Variants in MOB3B observed in about 807,000 individuals in gnomAD.
MOB3B encodes MOB kinase activator 3B, also known as MOB kinase activator-like 2B.
Under a neutral mutation model 18.7 loss-of-function variants are expected in MOB3B, and 7 were observed. The observed-to-expected ratio is 0.37, with a 90% CI of 0.21 to 0.70. The LOEUF (loss-of-function observed/expected upper bound fraction) is 0.70. Ranked by LOEUF, MOB3B falls within the 30% of genes least tolerant of loss-of-function variation. The pLI, the probability that MOB3B is intolerant of heterozygous loss-of-function variation, is 0.52. For missense variants in MOB3B, 253 were observed against 281.3 expected, an observed-to-expected ratio of 0.90 and a Z score of 0.72; for synonymous variants, 111 against 99.9, an observed-to-expected ratio of 1.11 and a Z score of -0.66.
chr9:27,368,543 A>G (rs1359549197), intron 2 of MOB3B, among the ~76,000 whole-genome samples: 1 of 152,220 alleles, frequency 6.6e-6, no homozygotes, highest in Non-Finnish European at 1.5e-5. Context: ...AATCCTGTGT[A>G]GCAGGACTTT....
chr9:27,510,878 G>T (rs1340628828), intron 1 of MOB3B, among the ~76,000 whole-genome samples: 1 of 152,168 alleles, frequency 6.6e-6, no homozygotes, highest in Non-Finnish European at 1.5e-5. Flanking sequence ...CAGAGACCTT[G>T]GCAGGTCCCT....
Position 27,326,362 on chromosome 9 carries a change from T to G in MOB3B, c.*4225A>C. ...CTGGTAATAGCCTTCAGATATTTAA[T>G]GGATATGCAAATAAAGCTCTGATTA... On this transcript the variant is annotated 3_prime_UTR_variant, in exon 4 of 4. Coordinates refer to ENST00000262244, the MANE Select transcript of MOB3B (RefSeq NM_024761.5). The G allele has an allele frequency of 2.5e-6, 1 of 397,788 alleles. No individual in the cohort carries two copies. Among genetic ancestry groups the G allele is most frequent in the Non-Finnish European group, 4.4e-6 (1 of 225,770 alleles). The allele number at this position is 397,788 out of a possible 1,614,324, so 24.6% of individuals were successfully genotyped here. A position where few individuals can be genotyped will look rare whatever the true frequency, so the allele number is the denominator to read the frequency against.
intron 3 of MOB3B, among the ~76,000 whole-genome samples, chr9:27,336,630 C>T (rs1001225983): frequency 3.3e-5 from 5 of 152,124 alleles, no homozygotes; most frequent in Admixed American, 2.0e-4. Flanking sequence ...CAGTACGCCT[C>T]TCTCAGGGCC....
rs1489512365 is a variant in MOB3B, at chr9:27,455,303, G to T, written c.248C>A (p.Thr83Asn). The change falls in exon 2 of 4, where the codon ACC becomes AAC. Residue 83 changes from threonine to asparagine, a missense_variant. Coordinates refer to ENST00000262244, the MANE Select transcript of MOB3B (RefSeq NM_024761.5). ...TGACATCACAGGACAGGTCCGCTCGGTGCAGAACTCACAGATGGTGCCATA... is the reference window on the plus strand; with the variant it reads ...TGACATCACAGGACAGGTCCGCTCGTTGCAGAACTCACAGATGGTGCCATA... ...LIYGTICEFC[T>N]ERTCPVMSGG... 1.2e-6 allele frequency: 2 copies of T among 1,614,094 alleles called. No individual in the cohort carries two copies. Among genetic ancestry groups the T allele is most frequent in the Non-Finnish European group, 1.7e-6 (2 of 1,180,008 alleles).
intron 2 of MOB3B, among the ~76,000 whole-genome samples, chr9:27,403,893 G>A (rs112562237): frequency 4.1e-4 from 63 of 152,010 alleles, no homozygotes; most frequent in African/African-American, 1.3e-3. Flanking sequence ...GAGTAATAGG[G>A]GTATCCATCA....
At chr9:27,515,514 A>G (rs1820218580) in intron 1 of MOB3B, among the ~76,000 whole-genome samples, 1 of 152,224 alleles carries the variant, frequency 6.6e-6, no homozygotes, top group Non-Finnish European at 1.5e-5. Flanking sequence ...AGTAACTGTG[A>G]GAATTAAAGA....
intron 2 of MOB3B, among the ~76,000 whole-genome samples, chr9:27,382,063 CTG>C (rs575566196): frequency 2.1e-3 from 324 of 152,272 alleles, no homozygotes; most frequent in Non-Finnish European, 3.6e-3. Context: ...TCAGTCTGCT[CTG>C]TGTCTTTGAG....
intron 1 of MOB3B, among the ~76,000 whole-genome samples, chr9:27,487,504 C>A (rs1273678941): frequency 6.6e-6 from 1 of 152,092 alleles, no homozygotes; most frequent in Non-Finnish European, 1.5e-5. Context: ...TCCACCTAGG[C>A]CCACATCCCC....
At chr9:27,480,854 GAATT>G (rs1450410607) in intron 1 of MOB3B, among the ~76,000 whole-genome samples, 1 of 152,104 alleles carries the variant, frequency 6.6e-6, no homozygotes, top group Non-Finnish European at 1.5e-5. Context: ...ATATAAGAAA[GAATT>G]AAGAGAACAG....
At chr9:27,423,148 C>G (rs971323460) in intron 2 of MOB3B, among the ~76,000 whole-genome samples, 10 of 152,154 alleles carry the variant, frequency 6.6e-5, no homozygotes, top group African/African-American at 2.2e-4. Context: ...AGGCACTGGC[C>G]TTGCCTGTGA....
intron 1 of MOB3B, among the ~76,000 whole-genome samples, chr9:27,471,389 G>C (rs7040436): frequency 6.6e-6 from 1 of 152,174 alleles, no homozygotes; most frequent in African/African-American, 2.4e-5. Context: ...ACATGGCCCT[G>C]CCCCTACTGG....
intron 2 of MOB3B, among the ~76,000 whole-genome samples, chr9:27,443,641 C>T (rs1256699606): frequency 6.6e-6 from 1 of 152,192 alleles, no homozygotes; most frequent in African/African-American, 2.4e-5. Flanking sequence ...TTTTCAATTT[C>T]TTAATCATCT....
chr9:27,362,132 A>G (rs1280897093), intron 2 of MOB3B, among the ~76,000 whole-genome samples: 2 of 152,072 alleles, frequency 1.3e-5, no homozygotes, highest in Non-Finnish European at 2.9e-5. Context: ...TGTGCCTTCC[A>G]TTCCATACCT....
intron 2 of MOB3B, among the ~76,000 whole-genome samples, chr9:27,374,771 C>T (rs1240959705): frequency 6.6e-6 from 1 of 152,214 alleles, no homozygotes; most frequent in African/African-American, 2.4e-5. Flanking sequence ...ACTCAGAAGA[C>T]CTGGCACAAC....
At chr9:27,417,717 T>C (rs975934957) in intron 2 of MOB3B, among the ~76,000 whole-genome samples, 1 of 152,218 alleles carries the variant, frequency 6.6e-6, no homozygotes, top group African/African-American at 2.4e-5. Flanking sequence ...GTACTTTACA[T>C]ACATGAGCTC....
At chr9:27,514,604 C>T (rs963081074) in intron 1 of MOB3B, among the ~76,000 whole-genome samples, 2 of 152,182 alleles carry the variant, frequency 1.3e-5, no homozygotes, top group African/African-American at 4.8e-5. Context: ...AATGCAGGAT[C>T]AGATCTAGGC....
Position 27,378,463 on chromosome 9 carries a change from A to G in MOB3B, c.419-19227T>C, listed in dbSNP as rs1026954322. The G allele has an allele frequency of 3.4e-5, 16 of 471,218 alleles. No individual in the cohort carries two copies. In the Admixed American group the frequency reaches 3.8e-4, roughly 11 times the overall value. The allele number at this position is 471,218 out of a possible 1,614,324, so 29.2% of individuals were successfully genotyped here. A position where few individuals can be genotyped will look rare whatever the true frequency, so the allele number is the denominator to read the frequency against. ...CCTCAATGATGTGGCCAGAATGATT[A>G]CATTCACCACTACTCCTGGCGCAAG... On this transcript the variant is annotated intron_variant, in intron 2 of 3. Coordinates refer to ENST00000262244, the MANE Select transcript of MOB3B (RefSeq NM_024761.5).
At chr9:27,481,987 T>C (rs1021071156) in intron 1 of MOB3B, among the ~76,000 whole-genome samples, 10 of 151,194 alleles carry the variant, frequency 6.6e-5, no homozygotes, top group Non-Finnish European at 1.5e-4. Flanking sequence ...AAAAAGGAAA[T>C]AAAATGCTAT....
At chr9:27,339,724 C>T (rs188500917) in intron 3 of MOB3B, among the ~76,000 whole-genome samples, 3 of 152,370 alleles carry the variant, frequency 2.0e-5, no homozygotes, top group Admixed American at 6.5e-5. Flanking sequence ...CCTAACCAGT[C>T]TACTATATCC....
Sources: gnomAD v4.1 joint callset for allele counts (sites outside exome capture counted in the v4.1 genomes callset) on GRCh38, gnomAD v4.1.1 for gene constraint, MANE v1.5 for transcripts, NCBI Gene and HGNC (gene_info 2026-07-23, HGNC 2026-07-21) for gene names.